The following NEXMIF variants were observed in gnomAD, a reference collection of about 807,000 sequenced individuals.
NEXMIF encodes the protein XLMR protein related to neurite extension.
A neutral mutation model predicts 62.1 loss-of-function variants in NEXMIF; 8 were observed. That is an observed-to-expected ratio of 0.13 (90% confidence interval 0.08 to 0.23). The LOEUF (loss-of-function observed/expected upper bound fraction) is 0.23. Ranked by LOEUF, NEXMIF falls within the 10% of genes least tolerant of loss-of-function variation. The probability of loss-of-function intolerance (pLI) is 1.00; values close to 1 mark genes in which losing one functional copy is unlikely to be tolerated. For missense variants in NEXMIF, 976 were observed against 1,113.3 expected (o/e 0.88, Z 1.75); for synonymous variants, 404 against 416.6 (o/e 0.97, Z 0.37).
In NEXMIF at chrX:74,742,856, T is replaced by G; in HGVS notation, c.1701A>C (p.Thr567=). Residue 567 remains threonine (T), a synonymous_variant, in exon 3 of 4, where the codon ACA becomes ACC. Coordinates refer to ENST00000055682, the MANE Select transcript of NEXMIF (RefSeq NM_001008537.3). Reference sequence around the variant, plus strand: ...TGAGCTGATTCTCACTCAAATTCACTGTTGTCTCACTGGCATCCACCTTAC... The same window carrying G: ...TGAGCTGATTCTCACTCAAATTCACGGTTGTCTCACTGGCATCCACCTTAC... The part of the protein sequence containing the change: ...KLGKVDASET[T]VNLSENQLNK... 2 of 1,211,623 alleles carry G rather than the reference T, an allele frequency of 1.7e-6. No individual in the cohort carries two copies. Among genetic ancestry groups the G allele is most frequent in the South Asian group, 1.8e-5 (1 of 56,964 alleles).
chrX:74,884,977 T>G (rs925144462), intron 1 of NEXMIF, among the ~76,000 whole-genome samples: 1 of 110,563 alleles, frequency 9.0e-6, no homozygotes, highest in African/African-American at 3.3e-5. Flanking sequence ...AAACTAGAAC[T>G]CAGGATTAAG....
At chrX:74,815,927 C>T (rs778406036) in intron 1 of NEXMIF, among the ~76,000 whole-genome samples, 22 of 111,445 alleles carry the variant, frequency 2.0e-4, no homozygotes, top group African/African-American at 5.9e-4. Flanking sequence ...AACCACCGTG[C>T]CTGGCCTACA....
chrX:74,892,465 C>T (rs2080720856), intron 1 of NEXMIF, among the ~76,000 whole-genome samples: 1 of 111,937 alleles, frequency 8.9e-6, no homozygotes, highest in African/African-American at 3.2e-5. Flanking sequence ...GCAGGAGAGG[C>T]ACGTATTTTT....
At chrX:74,790,430 T>C (rs200337460) in intron 1 of NEXMIF, among the ~76,000 whole-genome samples, 16,002 of 98,630 alleles carry the variant, frequency 0.16, no homozygotes, top group African/African-American at 0.37. Context: ...GCTTTGTTCT[T>C]TTGGCTTAGG....
At chrX:74,763,969 T>G (rs777616385) in intron 1 of NEXMIF, among the ~76,000 whole-genome samples, 1 of 111,548 alleles carries the variant, frequency 9.0e-6, no homozygotes, top group South Asian at 3.8e-4. Context: ...TTCCTTCTCC[T>G]GCCTGATTGC....
At chrX:74,768,419 A>G (rs2080200981) in intron 1 of NEXMIF, among the ~76,000 whole-genome samples, 1 of 112,452 alleles carries the variant, frequency 8.9e-6, no homozygotes, top group South Asian at 3.7e-4. Flanking sequence ...CTAGTTGGCC[A>G]TCTTGGCCAG....
At chrX:74,891,220 C>T (rs2080716735) in intron 1 of NEXMIF, among the ~76,000 whole-genome samples, 1 of 111,382 alleles carries the variant, frequency 9.0e-6, no homozygotes, top group African/African-American at 3.3e-5. Flanking sequence ...CATATGCACA[C>T]ATACAGTGTT....
At chrX:74,762,253 G>C (rs779522295) in intron 1 of NEXMIF, among the ~76,000 whole-genome samples, 18 of 109,752 alleles carry the variant, frequency 1.6e-4, no homozygotes, top group South Asian at 1.6e-3. Flanking sequence ...TGCTCAGAAT[G>C]GTTTCCAGCT....
chrX:74,856,861 G>A (rs2080536832), intron 1 of NEXMIF, among the ~76,000 whole-genome samples: 2 of 110,595 alleles, frequency 1.8e-5, no homozygotes, highest in African/African-American at 6.6e-5. Context: ...CTTAGGAGAA[G>A]GAGAATGAAG....
Position 74,739,466 on chromosome X carries a change from G to C in NEXMIF, c.4490C>G (p.Thr1497Arg). ...AAACACAGGTAAAACCCAAAAGGTT[G>C]TTTCTGCTTTTAGGAGATTGTAGTC... Reference protein sequence around the residue: ...DSDYNLLKAETTFWVLPVFEE... With the variant: ...DSDYNLLKAERTFWVLPVFEE... The change falls in exon 4 of 4, where the codon ACA becomes AGA. Residue 1497 changes from threonine to arginine, a missense_variant. Thr to Arg is a moderately conservative substitution (Grantham distance 71). This residue lies in a region of NEXMIF where 137 missense variants were observed against 128.9 expected (regional missense o/e 1.06). Coordinates refer to ENST00000055682, the MANE Select transcript of NEXMIF (RefSeq NM_001008537.3). 1 of 1,200,068 alleles carries C rather than the reference G, an allele frequency of 8.3e-7. No individual in the cohort carries two copies.
At chrX:74,739,711 C>T (rs760049841) in intron 3 of NEXMIF, among the ~76,000 whole-genome samples, 5 of 110,144 alleles carry the variant, frequency 4.5e-5, no homozygotes, top group African/African-American at 1.6e-4. Flanking sequence ...ATGATCTTGG[C>T]TTTTTGTCTA....
chrX:74,739,333 T>A lies in NEXMIF; in HGVS notation c.*72A>T, dbSNP rs1162686578. On this transcript the variant is annotated 3_prime_UTR_variant, in exon 4 of 4. Transcript: ENST00000055682. ...AAGACGTATTCCCACAATTTAAAAT[T>A]CTTTTCTTTAAGCACTTACATGTCA... 1 of 696,419 alleles carries A rather than the reference T, an allele frequency of 1.4e-6. No homozygotes were observed. The highest frequency in any genetic ancestry group is 2.1e-6 in the Non-Finnish European group (1 of 477,276). The allele number at this position is 696,419 out of a possible 1,213,427, so 57.4% of individuals were successfully genotyped here.
intron 1 of NEXMIF, among the ~76,000 whole-genome samples, chrX:74,856,074 T>C (rs1354018410): frequency 8.9e-6 from 1 of 111,764 alleles, no homozygotes; most frequent in Non-Finnish European, 1.9e-5. Context: ...AAGCAATCAA[T>C]AGAAACTGTT....
intron 1 of NEXMIF, among the ~76,000 whole-genome samples, chrX:74,836,336 T>C (rs1030614722): frequency 2.7e-5 from 3 of 112,042 alleles, no homozygotes; most frequent in African/African-American, 9.7e-5. Flanking sequence ...TTTACTTTTC[T>C]GTCTGCTTTT....
intron 1 of NEXMIF, among the ~76,000 whole-genome samples, chrX:74,862,999 G>T (rs929773709): frequency 9.1e-6 from 1 of 109,722 alleles, no homozygotes; most frequent in Non-Finnish European, 1.9e-5. Context: ...GGTGAAACTC[G>T]GTCCCTACAA....
At chrX:74,901,620 A>T (rs2080749850) in intron 1 of NEXMIF, among the ~76,000 whole-genome samples, 1 of 111,891 alleles carries the variant, frequency 8.9e-6, no homozygotes, top group African/African-American at 3.3e-5. Flanking sequence ...TTGCCATAGA[A>T]ATAGTCCTGT....
At chrX:74,840,235 A>T (rs1165578769) in intron 1 of NEXMIF, among the ~76,000 whole-genome samples, 1 of 111,499 alleles carries the variant, frequency 9.0e-6, no homozygotes, top group Non-Finnish European at 1.9e-5. Flanking sequence ...GTCTGTTCAT[A>T]TCCTTTGCCC....
At chrX:74,754,160 C>T (rs1320830502) in intron 1 of NEXMIF, among the ~76,000 whole-genome samples, 5 of 110,516 alleles carry the variant, frequency 4.5e-5, no homozygotes, top group Non-Finnish European at 9.5e-5. Context: ...TGGGGTTTCA[C>T]CATGTTGGCC....
intron 1 of NEXMIF, among the ~76,000 whole-genome samples, chrX:74,898,277 T>A (rs1432812830): frequency 8.9e-6 from 1 of 112,118 alleles, no homozygotes; most frequent in East Asian, 2.8e-4. Flanking sequence ...GGCACTTTAT[T>A]CCTGTGGTCT....
Sources: allele counts gnomAD v4.1 joint callset (sites outside exome capture counted in the v4.1 genomes callset), GRCh38; gene constraint gnomAD v4.1.1; regional missense constraint gnomAD v4.1.1; transcripts MANE v1.5; gene names NCBI Gene and HGNC (gene_info 2026-07-23, HGNC 2026-07-21).